GSTCD: variants seen among roughly 807,000 people sequenced by gnomAD.
GSTCD encodes the protein glutathione S-transferase C-terminal domain containing.
GSTCD carries 44 observed loss-of-function variants against 68.3 expected under a neutral mutation model. The ratio of observed to expected loss-of-function variants is 0.64; its 90% confidence interval spans 0.51 to 0.83. GSTCD has a LOEUF of 0.83. Ranked by LOEUF, GSTCD falls within the 40% of genes least tolerant of loss-of-function variation. GSTCD has a pLI of 0.00. For missense variants in GSTCD, 739 were observed against 735.9 expected, an observed-to-expected ratio of 1.00 and a Z score of -0.05; for synonymous variants, 273 against 255.2, an observed-to-expected ratio of 1.07 and a Z score of -0.67.
chr4:105,725,175 T>C (rs1732991261), intron 3 of GSTCD, among the ~76,000 whole-genome samples: 1 of 152,122 alleles, frequency 6.6e-6, no homozygotes, highest in African/African-American at 2.4e-5. Flanking sequence ...TTGGAATTAT[T>C]GTATTCTTCT....
At chr4:105,730,838 A>G (rs1397703330) in intron 5 of GSTCD, among the ~76,000 whole-genome samples, 1 of 152,128 alleles carries the variant, frequency 6.6e-6, no homozygotes, top group Non-Finnish European at 1.5e-5. Flanking sequence ...CCTGAATGGT[A>G]TTGCCTAGGT....
chr4:105,728,252 A>G (rs1169220842), intron 4 of GSTCD, among the ~76,000 whole-genome samples: 1 of 152,198 alleles, frequency 6.6e-6, no homozygotes, highest in Non-Finnish European at 1.5e-5. Context: ...TATAAAAACC[A>G]CTGAATTGGA....
At chr4:105,743,257 T>TC (rs1038335361) in intron 5 of GSTCD, among the ~76,000 whole-genome samples, 37 of 152,234 alleles carry the variant, frequency 2.4e-4, no homozygotes, top group African/African-American at 8.9e-4. Flanking sequence ...GCCTGTAATT[T>TC]CTTATACTTT....
rs1732786483 is a variant in GSTCD at position 105,719,337 on chromosome 4, A to G, written c.704A>G (p.Lys235Arg). 2.5e-6 allele frequency: 4 copies of G among 1,614,032 alleles called. No homozygotes were observed. The South Asian group carries it at 3.3e-5, about 13-fold the overall frequency. The change falls in exon 3 of 12, where the codon AAG becomes AGG. Residue 235 changes from lysine (K) to arginine (R), a missense_variant. By Grantham distance (26) the Lys-to-Arg change is conservative. Coordinates refer to ENST00000515279, the MANE Select transcript of GSTCD (RefSeq NM_001370181.1). ...ETSEGLDSSS[K>R]SLELKVAFSK... The stretch of plus-strand genomic sequence containing the variant: ...TCTGAAGGGTTGGATTCTTCATCCA[A>G]GAGTCTGGAACTGAAAGTGGCATTC...
chr4:105,767,510 AGGTT>A (rs56005456), intron 5 of GSTCD, among the ~76,000 whole-genome samples: 141,414 of 152,254 alleles, frequency 0.93, 65,703 homozygotes, highest in East Asian at 0.97. Flanking sequence ...AGGTTTTATT[AGGTT>A]TTATTAGGAT....
Position 105,786,813 on chromosome 4 carries a change from T to C in GSTCD, c.1241-36141T>C, listed in dbSNP as rs952017059. Among the ~76,000 whole-genome samples, 3 of 152,092 alleles carry C rather than the reference T, an allele frequency of 2.0e-5. 1 individual carries two copies. The highest frequency in any genetic ancestry group is 7.3e-5 in the African/African-American group (3 of 41,354). ...AGATACCACTCCACATCTGATAGTATTGCTACAAATAAAATAGCCAGATAA... is the reference window on the plus strand; with the variant it reads ...AGATACCACTCCACATCTGATAGTACTGCTACAAATAAAATAGCCAGATAA... On this transcript the variant is annotated intron_variant, in intron 5 of 11. Transcript: ENST00000515279.
chr4:105,760,152 GAAAA>G (rs551816309), intron 5 of GSTCD, among the ~76,000 whole-genome samples: 1 of 87,344 alleles, frequency 1.1e-5, no homozygotes, highest in Non-Finnish European at 2.2e-5. Flanking sequence ...TAAGATTTGA[GAAAA>G]AAAAAATAGG....
At chr4:105,805,494 T>G (rs1722452289) in intron 5 of GSTCD, among the ~76,000 whole-genome samples, 1 of 152,148 alleles carries the variant, frequency 6.6e-6, no homozygotes, top group East Asian at 1.9e-4. Flanking sequence ...CATCTGTCAT[T>G]TTGGGAGGGA....
intron 8 of GSTCD, among the ~76,000 whole-genome samples, chr4:105,829,643 T>C (rs1431661239): frequency 1.3e-5 from 2 of 152,050 alleles, no homozygotes; most frequent in African/African-American, 4.8e-5. Context: ...CCCACCCCCA[T>C]CATACAGTTA....
chr4:105,739,260 G>A (rs947216227), intron 5 of GSTCD, among the ~76,000 whole-genome samples: 1 of 152,062 alleles, frequency 6.6e-6, no homozygotes, highest in Non-Finnish European at 1.5e-5. Context: ...GAGGATTTTT[G>A]CATCACTCTT....
intron 5 of GSTCD, among the ~76,000 whole-genome samples, chr4:105,791,406 A>G (rs1041444477): frequency 5.3e-5 from 8 of 151,710 alleles, no homozygotes; most frequent in African/African-American, 9.7e-5. Flanking sequence ...AAAAAAAAAA[A>G]AAAGAAAAAA....
chr4:105,781,845 A>C (rs1422666342), intron 5 of GSTCD, among the ~76,000 whole-genome samples: 1 of 149,876 alleles, frequency 6.7e-6, no homozygotes, highest in Non-Finnish European at 1.5e-5. Flanking sequence ...TGGATGAAGC[A>C]CTTCTAAGTC....
chr4:105,719,931 G>A (rs1732808158), intron 3 of GSTCD, among the ~76,000 whole-genome samples: 1 of 151,740 alleles, frequency 6.6e-6, no homozygotes, highest in Admixed American at 6.6e-5. Context: ...TCTACTATTA[G>A]AGGGTGCAGT....
At chr4:105,732,859 T>G (rs773547686) in intron 5 of GSTCD, among the ~76,000 whole-genome samples, 7 of 152,238 alleles carry the variant, frequency 4.6e-5, no homozygotes, top group Non-Finnish European at 7.3e-5. Flanking sequence ...CACACTGCTT[T>G]AAATGTGTCC....
chr4:105,776,102 G>C (rs1349277573), intron 5 of GSTCD, among the ~76,000 whole-genome samples: 2 of 152,218 alleles, frequency 1.3e-5, no homozygotes, highest in Non-Finnish European at 2.9e-5. Flanking sequence ...ACTTCGGTGG[G>C]CTACGCCCAG....
At chr4:105,774,606 A>G (rs1054460646) in intron 5 of GSTCD, among the ~76,000 whole-genome samples, 1 of 152,166 alleles carries the variant, frequency 6.6e-6, no homozygotes. Flanking sequence ...TCCTTTGCTT[A>G]TGAAGCTTAG....
intron 5 of GSTCD, chr4:105,746,117 C>A: frequency 6.6e-6 from 1 of 152,224 alleles, no homozygotes; most frequent in Non-Finnish European, 1.5e-5. Flanking sequence ...CTTTTGACTC[C>A]CCAAAAACTT....
chr4:105,728,938 G>C (rs1733134640), intron 4 of GSTCD, among the ~76,000 whole-genome samples: 1 of 152,156 alleles, frequency 6.6e-6, no homozygotes, highest in African/African-American at 2.4e-5. Context: ...ACTTATAAAA[G>C]ACTAGTATGA....
chr4:105,710,653 G>C (rs931372703), intron 1 of GSTCD, among the ~76,000 whole-genome samples: 4 of 152,136 alleles, frequency 2.6e-5, no homozygotes, highest in African/African-American at 9.7e-5. Context: ...TTGGAATGCA[G>C]ATATTGAAAC....
Sources: gnomAD v4.1 joint callset for allele counts (sites outside exome capture counted in the v4.1 genomes callset) on GRCh38, gnomAD v4.1.1 for gene constraint, MANE v1.5 for transcripts, NCBI Gene and HGNC (gene_info 2026-07-23, HGNC 2026-07-21) for gene names.